Variants in TMEM117 observed in about 807,000 individuals in gnomAD.
The protein encoded by TMEM117 is transmembrane protein 117.
Under a neutral mutation model 52.4 loss-of-function variants are expected in TMEM117, and 27 were observed. That is an observed-to-expected ratio of 0.51 (90% confidence interval 0.38 to 0.71). The LOEUF (loss-of-function observed/expected upper bound fraction) is 0.71, where lower values mean the gene tolerates loss of function less well. Among genes scored for constraint, TMEM117 ranks in the 30% least tolerant of loss-of-function variants. The pLI is 0.00. For missense variants in TMEM117, 556 were observed against 630.5 expected (o/e 0.88, Z 1.26); for synonymous variants, 215 against 206.3 (o/e 1.04, Z -0.36).
intron 5 of TMEM117, among the ~76,000 whole-genome samples, chr12:44,259,450 C>A (rs1369512714): frequency 6.6e-6 from 1 of 152,112 alleles, no homozygotes; most frequent in Non-Finnish European, 1.5e-5. Flanking sequence ...TCTCACTGCG[C>A]AAATACTTTT....
At chr12:44,082,526 C>T (rs1484110225) in intron 3 of TMEM117, among the ~76,000 whole-genome samples, 1 of 151,802 alleles carries the variant, frequency 6.6e-6, no homozygotes, top group African/African-American at 2.4e-5. Context: ...TTTTAAAACA[C>T]ATTTAAATGA....
At chr12:43,937,468 G>A (rs1187658744) in intron 2 of TMEM117, among the ~76,000 whole-genome samples, 8 of 152,182 alleles carry the variant, frequency 5.3e-5, no homozygotes, top group African/African-American at 1.9e-4. Flanking sequence ...GTACATCAGA[G>A]TTGGGTGTTT....
intron 5 of TMEM117, among the ~76,000 whole-genome samples, chr12:44,274,699 T>A (rs1038953424): frequency 4.1e-4 from 63 of 152,046 alleles, no homozygotes; most frequent in African/African-American, 1.5e-3. Context: ...AACATACACG[T>A]TGGAAAAGAT....
chr12:44,264,300 T>C (rs1950352584), intron 5 of TMEM117, among the ~76,000 whole-genome samples: 1 of 152,176 alleles, frequency 6.6e-6, no homozygotes, highest in Non-Finnish European at 1.5e-5. Context: ...TTATAACTAT[T>C]ACTGAAGCTT....
intron 3 of TMEM117, among the ~76,000 whole-genome samples, chr12:44,050,982 A>G (rs1243624917): frequency 6.6e-6 from 1 of 152,216 alleles, no homozygotes; most frequent in African/African-American, 2.4e-5. Flanking sequence ...TTATTATTTC[A>G]TTATTCCTAA....
chr12:43,897,184 C>T (rs192444731), intron 2 of TMEM117, among the ~76,000 whole-genome samples: 1 of 152,294 alleles, frequency 6.6e-6, no homozygotes, highest in East Asian at 1.9e-4. Flanking sequence ...CTCAGTCTCT[C>T]ACCATATTCT....
At chr12:43,877,699 T>TA (rs1592327071) in intron 2 of TMEM117, among the ~76,000 whole-genome samples, 1 of 151,792 alleles carries the variant, frequency 6.6e-6, no homozygotes, top group Non-Finnish European at 1.5e-5. Context: ...TTGTAGCAGC[T>TA]AATAGCTGAA....
chr12:44,171,999 GAAT>G (rs1949053316), intron 4 of TMEM117, among the ~76,000 whole-genome samples: 1 of 152,178 alleles, frequency 6.6e-6, no homozygotes. Flanking sequence ...AAGATGGCCA[GAAT>G]AAAACATAGT....
At chr12:44,115,427 T>C (rs1193655882) in intron 3 of TMEM117, among the ~76,000 whole-genome samples, 1 of 152,190 alleles carries the variant, frequency 6.6e-6, no homozygotes, top group East Asian at 1.9e-4. Context: ...CTGCACGTTA[T>C]ACACATGTAC....
intron 4 of TMEM117, among the ~76,000 whole-genome samples, chr12:44,185,455 A>G (rs1949264297): frequency 6.6e-6 from 1 of 152,184 alleles, no homozygotes; most frequent in Non-Finnish European, 1.5e-5. Context: ...ATCTTCTAAG[A>G]AGAGCTAGTC....
intron 3 of TMEM117, among the ~76,000 whole-genome samples, chr12:44,117,526 A>T (rs909044167): frequency 6.6e-6 from 1 of 152,120 alleles, no homozygotes; most frequent in Non-Finnish European, 1.5e-5. Context: ...CCCTTGGCAC[A>T]GTTCCTCTGC....
chr12:43,896,777 C>T (rs1280898445), intron 2 of TMEM117, among the ~76,000 whole-genome samples: 2 of 152,164 alleles, frequency 1.3e-5, no homozygotes, highest in African/African-American at 4.8e-5. Flanking sequence ...TAATCCAAGG[C>T]TGGTGAACTC....
chr12:43,821,100 A>T, the TMEM117 span, among the ~76,000 whole-genome samples: 2 of 135,426 alleles, frequency 1.5e-5, no homozygotes, highest in Non-Finnish European at 3.2e-5. Flanking sequence ...CTCTCACATT[A>T]AAAAAAAAAA....
Position 43,928,706 on chromosome 12 carries a change from C to T in TMEM117, c.278-15504C>T, listed in dbSNP as rs1234722711. On this transcript the variant is annotated intron_variant, in intron 2 of 7. Transcript: ENST00000266534. ...TGCGCTGCACCCACTAACTCGTCAT[C>T]TAGCATTAGGTATATCTCCCAATGC... is the stretch of plus-strand genomic sequence containing the variant. Among the ~76,000 whole-genome samples the T allele has an allele frequency of 3.3e-5, 5 of 149,770 alleles. 1 individual carries two copies. Among genetic ancestry groups the T allele is most frequent in the Non-Finnish European group, 5.9e-5 (4 of 67,394 alleles).
At chr12:43,898,254 C>T (rs1006239043) in intron 2 of TMEM117, among the ~76,000 whole-genome samples, 1 of 151,812 alleles carries the variant, frequency 6.6e-6, no homozygotes, top group Non-Finnish European at 1.5e-5. Context: ...GACTTTATTT[C>T]CTGTTAATGG....
At chr12:44,205,075 G>T (rs1949547046) in intron 4 of TMEM117, among the ~76,000 whole-genome samples, 1 of 152,080 alleles carries the variant, frequency 6.6e-6, no homozygotes, top group African/African-American at 2.4e-5. Context: ...AAGAGCTTCT[G>T]CCCAGCAAAA....
At chr12:44,022,543 A>G (rs796127186) in intron 3 of TMEM117, among the ~76,000 whole-genome samples, 13 of 152,350 alleles carry the variant, frequency 8.5e-5, no homozygotes, top group Admixed American at 2.6e-4. Flanking sequence ...GTGTGCTTCA[A>G]TAGTAAAATG....
chr12:43,987,921 A>G (rs1482451327), intron 3 of TMEM117, among the ~76,000 whole-genome samples: 2 of 152,106 alleles, frequency 1.3e-5, no homozygotes, highest in Non-Finnish European at 2.9e-5. Context: ...ATGTTTGAAG[A>G]TGGGGTGGGA....
At chr12:44,022,663 G>A (rs971935862) in intron 3 of TMEM117, among the ~76,000 whole-genome samples, 1 of 152,142 alleles carries the variant, frequency 6.6e-6, no homozygotes, top group African/African-American at 2.4e-5. Flanking sequence ...AAGCCATCAA[G>A]TCTTTAGGCA....
Sources: gnomAD v4.1 joint callset for allele counts (sites outside exome capture counted in the v4.1 genomes callset) on GRCh38, gnomAD v4.1.1 for gene constraint, MANE v1.5 for transcripts, NCBI Gene and HGNC (gene_info 2026-07-23, HGNC 2026-07-21) for gene names.